Variants in MAML3 observed in about 807,000 individuals in gnomAD.
MAML3 encodes the protein mastermind-like protein 3.
A neutral mutation model predicts 101.9 loss-of-function variants in MAML3; 27 were observed. The ratio of observed to expected loss-of-function variants is 0.27; its 90% confidence interval spans 0.20 to 0.37. The LOEUF is 0.37. MAML3 is among the 10% of genes least tolerant of loss of function. The pLI is 1.00. For missense variants in MAML3, 1,316 were observed against 1,444.9 expected (o/e 0.91, Z 1.45); for synonymous variants, 501 against 555.9 (o/e 0.90, Z 1.39).
At chr4:139,742,448 C>G (rs537167080) in intron 2 of MAML3, among the ~76,000 whole-genome samples, 4 of 152,304 alleles carry the variant, frequency 2.6e-5, no homozygotes, top group African/African-American at 9.6e-5. Flanking sequence ...CGCACCTGGC[C>G]GTCTTAAACT....
chr4:139,932,216 G>A (rs868651069), intron 1 of MAML3, among the ~76,000 whole-genome samples: 5 of 150,256 alleles, frequency 3.3e-5, no homozygotes, highest in Non-Finnish European at 5.9e-5. Context: ...TTAGTTCCTC[G>A]ATGGTTTATA....
chr4:140,137,033 G>C (rs1728899462), intron 1 of MAML3, among the ~76,000 whole-genome samples: 1 of 152,236 alleles, frequency 6.6e-6, no homozygotes, highest in Non-Finnish European at 1.5e-5. Flanking sequence ...CTTTCGCCCA[G>C]GCTGGACTGC....
At chr4:139,779,144 C>G (rs1169439542) in intron 2 of MAML3, among the ~76,000 whole-genome samples, 1 of 152,110 alleles carries the variant, frequency 6.6e-6, no homozygotes, top group African/African-American at 2.4e-5. Flanking sequence ...AATGGCTGAC[C>G]ATTGCCCCAG....
At chr4:140,068,086 C>T (rs995446078) in intron 1 of MAML3, among the ~76,000 whole-genome samples, 1 of 152,072 alleles carries the variant, frequency 6.6e-6, no homozygotes, top group African/African-American at 2.4e-5. Flanking sequence ...TCTGACTTAG[C>T]CTTGGAAACC....
intron 1 of MAML3, among the ~76,000 whole-genome samples, chr4:139,898,066 T>A (rs927447225): frequency 1.3e-5 from 2 of 152,210 alleles, no homozygotes; most frequent in Non-Finnish European, 2.9e-5. Context: ...TGACAGCCAT[T>A]TCCTACAACT....
intron 2 of MAML3, among the ~76,000 whole-genome samples, chr4:139,835,231 A>G (rs548218064): frequency 6.6e-6 from 1 of 152,370 alleles, no homozygotes; most frequent in East Asian, 1.9e-4. Context: ...AGCAGTGTGC[A>G]TAAGCACGCT....
At chr4:139,868,873 G>T (rs1177177554) in intron 2 of MAML3, among the ~76,000 whole-genome samples, 1 of 152,172 alleles carries the variant, frequency 6.6e-6, no homozygotes, top group Non-Finnish European at 1.5e-5. Flanking sequence ...GATAGCAGTG[G>T]TATTAAAACA....
At chr4:139,878,766 A>AC (rs1256510641) in intron 2 of MAML3, among the ~76,000 whole-genome samples, 3 of 152,150 alleles carry the variant, frequency 2.0e-5, no homozygotes, top group African/African-American at 7.2e-5. Flanking sequence ...GCATCAGAAC[A>AC]CGGAACACAG....
At chr4:139,902,425 A>G (rs1215286210) in intron 1 of MAML3, among the ~76,000 whole-genome samples, 1 of 152,214 alleles carries the variant, frequency 6.6e-6, no homozygotes, top group Non-Finnish European at 1.5e-5. Flanking sequence ...TCATTGACCA[A>G]TTACGGAACT....
chr4:140,029,268 T>C (rs554157691), intron 1 of MAML3, among the ~76,000 whole-genome samples: 10 of 152,312 alleles, frequency 6.6e-5, no homozygotes, highest in Admixed American at 2.0e-4. Context: ...GTACACTTGG[T>C]CACTTCCAGC....
At chr4:140,098,258 C>A (rs1728193875) in intron 1 of MAML3, among the ~76,000 whole-genome samples, 2 of 152,136 alleles carry the variant, frequency 1.3e-5, no homozygotes, top group South Asian at 4.1e-4. Context: ...TTTTTTGAAT[C>A]CGAGCTCTAT....
intron 1 of MAML3, among the ~76,000 whole-genome samples, chr4:140,021,005 C>T (rs1726724118): frequency 6.6e-6 from 1 of 152,126 alleles, no homozygotes; most frequent in African/African-American, 2.4e-5. Flanking sequence ...AGATGACATC[C>T]GATCCAGAGA....
At chr4:140,053,334 A>G (rs1178498328) in intron 1 of MAML3, among the ~76,000 whole-genome samples, 1 of 152,112 alleles carries the variant, frequency 6.6e-6, no homozygotes, top group Non-Finnish European at 1.5e-5. Context: ...CTGACTCAGC[A>G]TGCCCCTCGG....
At position 139,880,978 on chromosome 4, in the gene MAML3, C is replaced by T. The variant is rs139227066; in HGVS notation, c.2079+8379G>A. 2.7e-3 allele frequency among the ~76,000 whole-genome samples: 418 copies of T among 152,214 alleles called. 2 individuals are homozygous for T. The highest frequency in any genetic ancestry group is 1.1e-3 in the Non-Finnish European group (74 of 68,010). ...CAACAAAATTTTGGGAGATGAAAATCAGCTGGCTGAGTGGTAAACGACTTA... is the reference window on the plus strand; with the variant it reads ...CAACAAAATTTTGGGAGATGAAAATTAGCTGGCTGAGTGGTAAACGACTTA... On this transcript the variant is annotated intron_variant, in intron 2 of 4. Coordinates refer to ENST00000509479, the MANE Select transcript of MAML3 (RefSeq NM_018717.5).
chr4:140,036,747 T>C (rs1292009285), intron 1 of MAML3, among the ~76,000 whole-genome samples: 1 of 152,234 alleles, frequency 6.6e-6, no homozygotes, highest in Non-Finnish European at 1.5e-5. Context: ...CAGACAAGAA[T>C]AATTTACTGG....
chr4:140,107,535 C>T (rs529553475), intron 1 of MAML3, among the ~76,000 whole-genome samples: 4 of 148,874 alleles, frequency 2.7e-5, no homozygotes, highest in African/African-American at 5.0e-5. Flanking sequence ...GACAGACTCT[C>T]GCTCTGTCAC....
At chr4:139,986,424 A>C (rs893286439) in intron 1 of MAML3, among the ~76,000 whole-genome samples, 7 of 152,216 alleles carry the variant, frequency 4.6e-5, no homozygotes, top group African/African-American at 1.7e-4. Context: ...AGAACTACAG[A>C]ACTACTTTTA....
intron 1 of MAML3, among the ~76,000 whole-genome samples, chr4:140,029,397 T>C (rs928381814): frequency 2.6e-5 from 4 of 152,222 alleles, no homozygotes; most frequent in African/African-American, 9.6e-5. Context: ...TTCTGGGTGA[T>C]ATCCATGCTC....
intron 1 of MAML3, among the ~76,000 whole-genome samples, chr4:139,993,281 G>C (rs1289095048): frequency 2.0e-5 from 3 of 151,114 alleles, no homozygotes; most frequent in African/African-American, 7.3e-5. Context: ...GAACCCAAGA[G>C]GTGGAGGTTG....
Sources: gnomAD v4.1 joint callset for allele counts (sites outside exome capture counted in the v4.1 genomes callset) on GRCh38, gnomAD v4.1.1 for gene constraint, MANE v1.5 for transcripts, NCBI Gene and HGNC (gene_info 2026-07-23, HGNC 2026-07-21) for gene names.